The following NRXN1 variants were observed in gnomAD, a reference collection of about 807,000 sequenced individuals.
NRXN1 encodes the protein neurexin 1, also known as neurexin-1.
NRXN1 carries 39 observed loss-of-function variants against 150.9 expected under a neutral mutation model. That is an observed-to-expected ratio of 0.26 (90% CI 0.20 to 0.34). The LOEUF is 0.34. Among genes scored for constraint, NRXN1 ranks in the 10% least tolerant of loss-of-function variants. The pLI is 1.00. For missense variants in NRXN1, 1,815 were observed against 1,949.9 expected (o/e 0.93, Z 1.30); for synonymous variants, 924 against 757.0 (o/e 1.22, Z -3.62).
rs1240329688 is a variant in NRXN1, at chr2:50,346,801, C to T, written c.3365-109831G>A. On this transcript the variant is annotated intron_variant, in intron 17 of 22. Coordinates refer to ENST00000401669, the MANE Select transcript of NRXN1 (RefSeq NM_001330078.2). This position sits in a 1 kb window ranked among gnomAD's most constrained non-coding sequence, Gnocchi z 5.0. ...GTGGTGCGCTCCCAAACTGGATGCC[C>T]CCCACGCCACTCCTAGGAGGCCGCT... 1 of 1,613,320 alleles carries T rather than the reference C, an allele frequency of 6.2e-7. No homozygotes were observed. The highest frequency in any genetic ancestry group is 2.2e-5 in the East Asian group (1 of 44,824).
intron 21 of NRXN1, among the ~76,000 whole-genome samples, chr2:50,002,869 A>G (rs1684171083): frequency 6.6e-6 from 1 of 152,154 alleles, no homozygotes; most frequent in South Asian, 2.1e-4. Flanking sequence ...TGAACAATAA[A>G]TGAAAATAAA....
intron 18 of NRXN1, among the ~76,000 whole-genome samples, chr2:50,186,426 T>C (rs780721520): frequency 6.6e-6 from 1 of 152,096 alleles, no homozygotes; most frequent in Non-Finnish European, 1.5e-5. Flanking sequence ...ATCTCAAATA[T>C]GAATTCATTG....
intron 5 of NRXN1, among the ~76,000 whole-genome samples, chr2:50,748,220 A>G (rs987540989): frequency 6.6e-6 from 1 of 152,192 alleles, no homozygotes; most frequent in African/African-American, 2.4e-5. Context: ...ACTTTTACCC[A>G]GCAAATCATG....
intron 2 of NRXN1, among the ~76,000 whole-genome samples, chr2:51,004,621 C>T (rs751669879): frequency 1.9e-4 from 29 of 151,738 alleles, no homozygotes; most frequent in Non-Finnish European, 2.5e-4. Context: ...CCTGCCTGGA[C>T]GACACACCAA....
intron 8 of NRXN1, among the ~76,000 whole-genome samples, chr2:50,608,261 A>G (rs1677459330): frequency 6.6e-6 from 1 of 152,230 alleles, no homozygotes; most frequent in African/African-American, 2.4e-5. Context: ...GCCAATGATG[A>G]CAATATAATA....
At chr2:50,879,246 C>T (rs79228872) in intron 5 of NRXN1, among the ~76,000 whole-genome samples, 1 of 151,914 alleles carries the variant, frequency 6.6e-6, no homozygotes, top group East Asian at 1.9e-4. Flanking sequence ...CTGCAACTAA[C>T]CCTTACCTGA....
At position 50,538,285 on chromosome 2, in the gene NRXN1, C is replaced by T; in HGVS notation, c.2111G>A (p.Gly704Glu). 1 of 1,613,442 alleles carries T rather than the reference C, an allele frequency of 6.2e-7. No individual in the cohort carries two copies. Among genetic ancestry groups the T allele is most frequent in the Non-Finnish European group, 8.5e-7 (1 of 1,179,494 alleles). The stretch of plus-strand genomic sequence containing the variant: ...ACAGGACCTGCCAAGATAGCCTGTT[C>T]CGGAACAATCACAGACATATCTGTT... ...GWNRYVCDCS[G>E]TGYLGRSCER... The change falls in exon 10 of 23, where the codon GGA becomes GAA. Residue 704 changes from glycine to glutamate, a missense_variant. Around this residue, in one of 6 missense-constraint regions of NRXN1, gnomAD observed 638 missense variants for 652.6 expected, o/e 0.98. Coordinates refer to ENST00000401669, the MANE Select transcript of NRXN1 (RefSeq NM_001330078.2).
In NRXN1 at chr2:50,100,120, T is replaced by C. The variant is rs184382900; in HGVS notation, c.3547-8626A>G. Among the ~76,000 whole-genome samples, 364 of 152,244 alleles carry C rather than the reference T, an allele frequency of 2.4e-3. 1 individual carries two copies. The highest frequency in any genetic ancestry group is 3.9e-3 in the Non-Finnish European group (264 of 67,988). ...AAATAGAAAAACTCTAAGATTTTAT[T>C]GTGTTTTTAAATCAGAGATTCTCCA... On this transcript the variant is annotated intron_variant, in intron 18 of 22. Coordinates refer to ENST00000401669, the MANE Select transcript of NRXN1 (RefSeq NM_001330078.2).
intron 2 of NRXN1, among the ~76,000 whole-genome samples, chr2:51,019,842 GT>G (rs758215499): frequency 2.0e-5 from 3 of 151,930 alleles, no homozygotes; most frequent in Non-Finnish European, 4.4e-5. Context: ...TGTATACAGT[GT>G]TTAAAACAGA....
intron 18 of NRXN1, among the ~76,000 whole-genome samples, chr2:50,126,249 G>A (rs1704567723): frequency 6.6e-6 from 1 of 152,008 alleles, no homozygotes; most frequent in African/African-American, 2.4e-5. Flanking sequence ...GACTGACCCT[G>A]AATAAATGTC....
intron 5 of NRXN1, among the ~76,000 whole-genome samples, chr2:50,884,245 T>C (rs1366660207): frequency 6.6e-6 from 1 of 151,852 alleles, no homozygotes; most frequent in African/African-American, 2.4e-5. Context: ...TAAATGGACA[T>C]ATTGTTTGGT....
chr2:49,968,957 A>G (rs1010013743), intron 21 of NRXN1, among the ~76,000 whole-genome samples: 5 of 152,084 alleles, frequency 3.3e-5, no homozygotes, highest in African/African-American at 1.2e-4. Flanking sequence ...ACAATCATGC[A>G]GTACATATTT....
chr2:50,783,310 G>A (rs1385720250), intron 5 of NRXN1, among the ~76,000 whole-genome samples: 1 of 152,062 alleles, frequency 6.6e-6, no homozygotes, highest in African/African-American at 2.4e-5. Flanking sequence ...CTCACCTTCT[G>A]GTGCTCAGCC....
At chr2:49,949,238 G>T (rs59973985) in intron 21 of NRXN1, among the ~76,000 whole-genome samples, 62,875 of 151,562 alleles carry the variant, frequency 0.41, 13,432 homozygotes, top group South Asian at 0.53. Context: ...TTTGGTTGGG[G>T]GGAATTTAGA....
At chr2:50,997,401 T>G (rs990294659) in intron 2 of NRXN1, among the ~76,000 whole-genome samples, 1 of 144,402 alleles carries the variant, frequency 6.9e-6, no homozygotes, top group Non-Finnish European at 1.5e-5. Context: ...ATACTCTGCA[T>G]AGAAATTAAT....
intron 8 of NRXN1, among the ~76,000 whole-genome samples, chr2:50,563,590 C>G (rs1286994121): frequency 2.0e-5 from 3 of 152,100 alleles, no homozygotes; most frequent in African/African-American, 7.2e-5. Flanking sequence ...AATGGTGGCT[C>G]TTTTCTAGAG....
At chr2:50,388,116 A>C (rs1316227563) in intron 17 of NRXN1, among the ~76,000 whole-genome samples, 1 of 152,180 alleles carries the variant, frequency 6.6e-6, no homozygotes, top group Non-Finnish European at 1.5e-5. Context: ...ATTTTGGAGA[A>C]GAACCAACTA....
chr2:50,351,026 T>C (rs908530836), intron 17 of NRXN1, among the ~76,000 whole-genome samples: 1 of 152,152 alleles, frequency 6.6e-6, no homozygotes, highest in East Asian at 1.9e-4. Flanking sequence ...CTAGATAGTG[T>C]AGAAAAAGTA....
In NRXN1 at chr2:50,646,497, C is replaced by G. The variant is rs375933370; in HGVS notation, c.833-22882G>C. Among the ~76,000 whole-genome samples the G allele has an allele frequency of 2.1e-4, 32 of 152,076 alleles. No individual in the cohort carries two copies. In the East Asian group the frequency reaches 3.1e-3, roughly 15 times the overall value. On this transcript the variant is annotated intron_variant, in intron 5 of 22. Coordinates refer to ENST00000401669, the MANE Select transcript of NRXN1 (RefSeq NM_001330078.2). ...TAGCTTTCCAAATTTTACAAATGCA[C>G]TGTGATATGCAAGATGAAACTGAGG...
Sources: gnomAD v4.1 joint callset for allele counts (sites outside exome capture counted in the v4.1 genomes callset) on GRCh38, gnomAD v4.1.1 for gene constraint, gnomAD v4.1.1 regional missense constraint, Gnocchi (gnomAD v3.1) non-coding constraint, MANE v1.5 for transcripts, NCBI Gene and HGNC (gene_info 2026-07-23, HGNC 2026-07-21) for gene names.